Variants in KIAA1217 observed in about 807,000 individuals in gnomAD.
KIAA1217 encodes KIAA1217.
A neutral mutation model predicts 163.9 loss-of-function variants in KIAA1217; 88 were observed. That is an observed-to-expected ratio of 0.54 (90% CI 0.45 to 0.64). The LOEUF is 0.64. KIAA1217 is among the 30% of genes least tolerant of loss of function. The pLI is 0.00. For missense variants in KIAA1217, 2,372 were observed against 2,475.0 expected (o/e 0.96, Z 0.88); for synonymous variants, 903 against 923.1 (o/e 0.98, Z 0.39).
intron 1 of KIAA1217, among the ~76,000 whole-genome samples, chr10:23,716,926 A>T (rs1837609275): frequency 6.6e-6 from 1 of 152,040 alleles, no homozygotes; most frequent in Admixed American, 6.6e-5. Flanking sequence ...CTCATGTTTT[A>T]AACTTCTTAT....
intron 3 of KIAA1217, among the ~76,000 whole-genome samples, chr10:24,406,314 C>G (rs2057207207): frequency 6.6e-6 from 1 of 151,946 alleles, no homozygotes; most frequent in African/African-American, 2.4e-5. Context: ...TATGGATGTC[C>G]TATATGTAAA....
At chr10:24,203,757 C>T (rs992308748) in intron 2 of KIAA1217, among the ~76,000 whole-genome samples, 7 of 152,214 alleles carry the variant, frequency 4.6e-5, no homozygotes, top group Admixed American at 4.6e-4. Flanking sequence ...GGATTCCACC[C>T]TGGCCCTTCA....
chr10:23,885,365 G>A (rs979645022), intron 1 of KIAA1217, among the ~76,000 whole-genome samples: 3 of 151,944 alleles, frequency 2.0e-5, no homozygotes, highest in South Asian at 4.1e-4. Context: ...GAACTCTAGA[G>A]CTTATGTATC....
At chr10:24,376,695 G>A (rs112253843) in intron 2 of KIAA1217, among the ~76,000 whole-genome samples, 2 of 151,974 alleles carry the variant, frequency 1.3e-5, no homozygotes, top group African/African-American at 2.4e-5. Context: ...CTGGGAGATC[G>A]AGGCTGCAGT....
intron 1 of KIAA1217, among the ~76,000 whole-genome samples, chr10:23,951,519 G>C (rs576232090): frequency 6.6e-6 from 1 of 152,214 alleles, no homozygotes; most frequent in Non-Finnish European, 1.5e-5. Context: ...CCAGCATGGT[G>C]GTGCACACCT....
intron 2 of KIAA1217, among the ~76,000 whole-genome samples, chr10:24,285,019 C>T (rs1191359839): frequency 1.3e-5 from 2 of 152,024 alleles, no homozygotes; most frequent in Non-Finnish European, 2.9e-5. Context: ...GCTTGTTGGC[C>T]TTACGTATGT....
At chr10:23,996,915 T>C (rs1471808968) in intron 1 of KIAA1217, among the ~76,000 whole-genome samples, 1 of 152,166 alleles carries the variant, frequency 6.6e-6, no homozygotes, top group Non-Finnish European at 1.5e-5. Flanking sequence ...TCACATGGTT[T>C]TTATTCTTAT....
intron 1 of KIAA1217, among the ~76,000 whole-genome samples, chr10:23,992,488 A>C (rs2131441633): frequency 6.6e-6 from 1 of 152,294 alleles, no homozygotes; most frequent in South Asian, 2.1e-4. Flanking sequence ...AGCAGAAAGG[A>C]ATCATTTAGA....
chr10:24,077,964 A>G (rs552932535), intron 2 of KIAA1217, among the ~76,000 whole-genome samples: 2 of 151,846 alleles, frequency 1.3e-5, no homozygotes, highest in Non-Finnish European at 2.9e-5. Context: ...TTTTTTTCAT[A>G]TCGTTGTTGG....
At chr10:24,345,641 T>C (rs1591168046) in intron 2 of KIAA1217, among the ~76,000 whole-genome samples, 1 of 152,318 alleles carries the variant, frequency 6.6e-6, no homozygotes, top group East Asian at 1.9e-4. Context: ...GCAACACAAA[T>C]AAGAAGCTTA....
intron 2 of KIAA1217, among the ~76,000 whole-genome samples, chr10:24,162,289 A>G (rs1010080831): frequency 3.3e-5 from 5 of 152,228 alleles, no homozygotes; most frequent in South Asian, 2.1e-4. Flanking sequence ...AAGTCTGCCT[A>G]AAGCCATGCT....
chr10:24,051,324 G>A, intron 2 of KIAA1217, among the ~76,000 whole-genome samples: 1 of 152,110 alleles, frequency 6.6e-6, no homozygotes, highest in East Asian at 1.9e-4. Context: ...CATTTAGGCT[G>A]GTTCCACATT....
chr10:24,031,425 C>T (rs897072193), intron 2 of KIAA1217, among the ~76,000 whole-genome samples: 6 of 152,068 alleles, frequency 3.9e-5, no homozygotes, highest in Non-Finnish European at 8.8e-5. Flanking sequence ...CTCAGCCTCC[C>T]GAGTAGCCGG....
At chr10:23,704,937 C>T (rs1409579380) in intron 1 of KIAA1217, among the ~76,000 whole-genome samples, 3 of 152,100 alleles carry the variant, frequency 2.0e-5, no homozygotes, top group African/African-American at 7.2e-5. Context: ...ATGAGGGTTC[C>T]ATTTTCCTCA....
intron 1 of KIAA1217, among the ~76,000 whole-genome samples, chr10:23,937,303 G>T (rs1407894635): frequency 6.6e-6 from 1 of 152,170 alleles, no homozygotes; most frequent in African/African-American, 2.4e-5. Flanking sequence ...AAATCCCTTG[G>T]GTTGGAGAGT....
At chr10:24,297,969 T>A (rs1410897573) in intron 2 of KIAA1217, among the ~76,000 whole-genome samples, 2 of 151,800 alleles carry the variant, frequency 1.3e-5, no homozygotes, top group African/African-American at 4.8e-5. Context: ...CTGTGAAGAA[T>A]TGTCACTTGA....
At chr10:23,979,553 A>T (rs80165851) in intron 1 of KIAA1217, among the ~76,000 whole-genome samples, 1 of 152,170 alleles carries the variant, frequency 6.6e-6, no homozygotes, top group African/African-American at 2.4e-5. Flanking sequence ...AAACCATTTT[A>T]TTATAAAATA....
chr10:24,347,343 C>T (rs1417556404), intron 2 of KIAA1217, among the ~76,000 whole-genome samples: 1 of 152,194 alleles, frequency 6.6e-6, no homozygotes, highest in Non-Finnish European at 1.5e-5. Flanking sequence ...ACTGGATAAA[C>T]ACTCAGAGGA....
intron 1 of KIAA1217, among the ~76,000 whole-genome samples, chr10:23,915,633 C>T (rs1842607102): frequency 6.6e-6 from 1 of 152,114 alleles, no homozygotes; most frequent in Admixed American, 6.6e-5. Flanking sequence ...TGTACTATTT[C>T]TGCAACTTTT....
Sources: allele counts gnomAD v4.1 joint callset (sites outside exome capture counted in the v4.1 genomes callset), GRCh38; gene constraint gnomAD v4.1.1; transcripts MANE v1.5; gene names NCBI Gene and HGNC (gene_info 2026-07-23, HGNC 2026-07-21).